Variants in CCDC102B observed in about 807,000 individuals in gnomAD.
CCDC102B encodes coiled-coil domain-containing protein 102B.
A neutral mutation model predicts 57.4 loss-of-function variants in CCDC102B; 75 were observed. The ratio of observed to expected loss-of-function variants is 1.31; its 90% CI spans 1.08 to 1.58. CCDC102B has a LOEUF of 1.58. Ranked by LOEUF, CCDC102B falls within the 40% of genes most tolerant of loss-of-function variation. The pLI is 0.00. For missense variants in CCDC102B, 636 were observed against 582.6 expected (o/e 1.09, Z -0.94); for synonymous variants, 206 against 201.9 (o/e 1.02, Z -0.17).
intron 1 of CCDC102B, 81 bp from the exon 2 acceptor site, chr18:68,836,668 A>G (rs2037384052): frequency 3.4e-6 from 4 of 1,174,268 alleles, no homozygotes; most frequent in East Asian, 2.6e-5. Context: ...TTCAAAAAAA[A>G]AAAAAAAAAA....
intron 4 of CCDC102B, among the ~76,000 whole-genome samples, chr18:68,861,974 A>G (rs969052613): frequency 3.9e-5 from 6 of 152,202 alleles, no homozygotes; most frequent in African/African-American, 1.4e-4. Flanking sequence ...TTTGCCAATA[A>G]TTTTACAGAA....
intron 4 of CCDC102B, among the ~76,000 whole-genome samples, chr18:68,863,951 A>T (rs1324912398): frequency 6.6e-6 from 1 of 151,968 alleles, no homozygotes; most frequent in Non-Finnish European, 1.5e-5. Flanking sequence ...CCTGTTTCAG[A>T]CCTGGGTAAA....
At chr18:68,919,395 A>C in intron 6 of CCDC102B, among the ~76,000 whole-genome samples, 1 of 152,098 alleles carries the variant, frequency 6.6e-6, no homozygotes, top group African/African-American at 2.4e-5. Context: ...TCGTTTTTAT[A>C]TTTCTTATAT....
intron 6 of CCDC102B, among the ~76,000 whole-genome samples, chr18:68,972,045 C>A (rs2050315280): frequency 6.6e-6 from 1 of 152,052 alleles, no homozygotes; most frequent in African/African-American, 2.4e-5. Context: ...GAAAGGATAT[C>A]TTTATTTACA....
At chr18:68,758,683 A>T (rs1265384371) in intron 2 of CCDC102B, among the ~76,000 whole-genome samples, 1 of 151,210 alleles carries the variant, frequency 6.6e-6, no homozygotes, top group Non-Finnish European at 1.5e-5. Flanking sequence ...TGATATCTAT[A>T]GTTTTAAAAC....
chr18:68,967,485 G>T (rs946937175), intron 6 of CCDC102B, among the ~76,000 whole-genome samples: 2 of 152,118 alleles, frequency 1.3e-5, no homozygotes, highest in African/African-American at 4.8e-5. Context: ...AATAAGATTA[G>T]ATTTGAACGA....
At chr18:68,856,496 A>T (rs1481983637) in intron 4 of CCDC102B, among the ~76,000 whole-genome samples, 1 of 152,054 alleles carries the variant, frequency 6.6e-6, no homozygotes, top group Non-Finnish European at 1.5e-5. Flanking sequence ...GGGTTTTCTC[A>T]CTTTGTTACC....
At chr18:69,019,263 A>T (rs1417026498) in intron 7 of CCDC102B, among the ~76,000 whole-genome samples, 1 of 152,006 alleles carries the variant, frequency 6.6e-6, no homozygotes, top group African/African-American at 2.4e-5. Context: ...TGGAAATTTC[A>T]TAGGTATTGT....
chr18:69,048,772 C>G (rs1303347665), intron 7 of CCDC102B, among the ~76,000 whole-genome samples: 1 of 151,982 alleles, frequency 6.6e-6, no homozygotes, highest in African/African-American at 2.4e-5. Context: ...CTATATAATT[C>G]TTTCTAACAT....
intron 5 of CCDC102B, among the ~76,000 whole-genome samples, chr18:68,889,276 C>G (rs1017957622): frequency 6.6e-6 from 1 of 152,186 alleles, no homozygotes; most frequent in Non-Finnish European, 1.5e-5. Flanking sequence ...GCCCAAGGTG[C>G]TAGCTGGCTC....
At chr18:68,932,463 T>C (rs1421116348) in intron 6 of CCDC102B, among the ~76,000 whole-genome samples, 2 of 151,884 alleles carry the variant, frequency 1.3e-5, no homozygotes, top group Non-Finnish European at 2.9e-5. Flanking sequence ...TAGTTTTGGA[T>C]GAATTATGTT....
intron 1 of CCDC102B, among the ~76,000 whole-genome samples, chr18:68,800,717 T>C (rs957283700): frequency 2.0e-5 from 3 of 152,224 alleles, no homozygotes; most frequent in Non-Finnish European, 4.4e-5. Context: ...AGCGACCAAA[T>C]ACTCTTAAAA....
intron 2 of CCDC102B, among the ~76,000 whole-genome samples, chr18:68,756,066 G>A (rs1375487269): frequency 6.6e-6 from 1 of 151,416 alleles, no homozygotes; most frequent in African/African-American, 2.4e-5. Flanking sequence ...ATTTTAAATA[G>A]TCTAATTATT....
At chr18:68,986,699 AAAC>A (rs928151310) in intron 6 of CCDC102B, among the ~76,000 whole-genome samples, 4 of 152,188 alleles carry the variant, frequency 2.6e-5, no homozygotes, top group East Asian at 1.9e-4. Context: ...AGAACTGATA[AAAC>A]AACAACAACA....
Position 68,729,492 on chromosome 18 carries a change from C to G in CCDC102B, c.-67+12898C>G, listed in dbSNP as rs537806500. ...CCAACTGACCAGTGGAATACAATAG[C>G]TCAGAAACGAATTCAGGCATTAATG... is the stretch of plus-strand genomic sequence containing the variant. On this transcript the variant is annotated intron_variant, in intron 2 of 3. Coordinates refer to the CCDC102B transcript ENST00000578970. 1.2e-3 allele frequency among the ~76,000 whole-genome samples: 184 copies of G among 152,290 alleles called. 1 individual carries two copies. Among genetic ancestry groups the G allele is most frequent in the African/African-American group, 4.1e-3 (171 of 41,572 alleles).
intron 4 of CCDC102B, among the ~76,000 whole-genome samples, chr18:68,846,978 A>G (rs2144819945): frequency 6.6e-6 from 1 of 151,946 alleles, no homozygotes; most frequent in South Asian, 2.1e-4. Context: ...ATAAAATGCC[A>G]TCATGAACGT....
rs548854079 is a variant in CCDC102B at position 68,887,405 on chromosome 18, G to T, written c.1054-9814G>T. Among the ~76,000 whole-genome samples the T allele has an allele frequency of 3.3e-5, 5 of 152,278 alleles. No individual in the cohort carries two copies. The East Asian group carries it at 7.7e-4, about 24-fold the overall frequency. On this transcript the variant is annotated intron_variant, in intron 5 of 7. Transcript: ENST00000360242. ...AAACTAAATTTCAAACAACACTCAA[G>T]TGTATACTCTGACCTTTATCTAATC...
intron 5 of CCDC102B, among the ~76,000 whole-genome samples, chr18:68,893,885 C>T (rs576132378): frequency 6.6e-6 from 1 of 152,174 alleles, no homozygotes; most frequent in East Asian, 1.9e-4. Context: ...TCCTTTTATA[C>T]CATGTTCTCC....
At chr18:68,993,163 C>T (rs373393863) in intron 6 of CCDC102B, 5 of 155,848 alleles carry the variant, frequency 3.2e-5, no homozygotes, top group East Asian at 3.9e-4. Flanking sequence ...CTCAGGTTCA[C>T]GGAGGTCACA....
Sources: gnomAD v4.1 joint callset for allele counts (sites outside exome capture counted in the v4.1 genomes callset) on GRCh38, gnomAD v4.1.1 for gene constraint, MANE v1.5 for transcripts, NCBI Gene and HGNC (gene_info 2026-07-23, HGNC 2026-07-21) for gene names.